Variants in OSBPL8 observed in about 807,000 individuals in gnomAD.
OSBPL8 encodes the protein oxysterol binding protein like 8.
Under a neutral mutation model 125.5 loss-of-function variants are expected in OSBPL8, and 59 were observed. The observed-to-expected ratio is 0.47, with a 90% CI of 0.38 to 0.58. The LOEUF (loss-of-function observed/expected upper bound fraction) is 0.58, where lower values mean the gene tolerates loss of function less well. Ranked by LOEUF, OSBPL8 falls within the 20% of genes least tolerant of loss-of-function variation. The pLI, the probability that OSBPL8 is intolerant of heterozygous loss-of-function variation, is 0.00. For missense variants in OSBPL8, 758 were observed against 1,047.8 expected, an observed-to-expected ratio of 0.72 and a Z score of 3.82; for synonymous variants, 330 against 338.9, an observed-to-expected ratio of 0.97 and a Z score of 0.29.
intron 2 of OSBPL8, among the ~76,000 whole-genome samples, chr12:76,474,968 A>C (rs1876621318): frequency 6.6e-6 from 1 of 152,202 alleles, no homozygotes; most frequent in Non-Finnish European, 1.5e-5. Flanking sequence ...TACTAAGCTG[A>C]GGTACGGATA....
chr12:76,461,929 C>G (rs1450489082), intron 2 of OSBPL8, among the ~76,000 whole-genome samples: 2 of 152,160 alleles, frequency 1.3e-5, no homozygotes, highest in African/African-American at 4.8e-5. Flanking sequence ...CAATAAATAA[C>G]ATAACACTGG....
chr12:76,370,972 A>T (rs1455526639), intron 19 of OSBPL8, among the ~76,000 whole-genome samples: 1 of 152,194 alleles, frequency 6.6e-6, no homozygotes, highest in Non-Finnish European at 1.5e-5. Context: ...TGACTTAAGA[A>T]CAGAAATGAT....
chr12:76,404,761 T>C (rs1954188416), intron 5 of OSBPL8, among the ~76,000 whole-genome samples: 1 of 152,244 alleles, frequency 6.6e-6, no homozygotes. Context: ...TATGTGTTAA[T>C]TGACTATGTT....
chr12:76,527,317 C>T (rs921182149), intron 1 of OSBPL8, among the ~76,000 whole-genome samples: 2 of 152,126 alleles, frequency 1.3e-5, no homozygotes, highest in East Asian at 3.9e-4. Context: ...ACATTAATTA[C>T]AGTTTTCTAA....
intron 1 of OSBPL8, among the ~76,000 whole-genome samples, chr12:76,556,126 A>G (rs1250418960): frequency 6.6e-6 from 1 of 152,200 alleles, no homozygotes; most frequent in African/African-American, 2.4e-5. Flanking sequence ...CTACATTATC[A>G]GATACTCCTT....
chr12:76,385,850 T>C (rs952192430), intron 14 of OSBPL8, among the ~76,000 whole-genome samples: 4 of 151,422 alleles, frequency 2.6e-5, no homozygotes, highest in African/African-American at 9.7e-5. Flanking sequence ...CACCACTGAA[T>C]AATTTTGAGC....
intron 4 of OSBPL8, among the ~76,000 whole-genome samples, chr12:76,420,658 CA>C (rs1190162950): frequency 2.0e-5 from 3 of 152,006 alleles, no homozygotes; most frequent in African/African-American, 7.2e-5. Flanking sequence ...TAATGAAGAA[CA>C]AATCTTTCCT....
At chr12:76,379,906 T>C (rs1458672577) in intron 15 of OSBPL8, among the ~76,000 whole-genome samples, 1 of 152,228 alleles carries the variant, frequency 6.6e-6, no homozygotes, top group Non-Finnish European at 1.5e-5. Context: ...ATGGTAAATG[T>C]ATGTTTAACT....
chr12:76,414,579 G>A (rs1242904882), intron 4 of OSBPL8, among the ~76,000 whole-genome samples: 1 of 150,904 alleles, frequency 6.6e-6, no homozygotes, highest in East Asian at 2.0e-4. Context: ...AGCCTCCTGA[G>A]TAGCTGAGAC....
Position 76,394,735 on chromosome 12 carries a change from TAACAAAATA to T in OSBPL8, c.673-15_673-7del, listed in dbSNP as rs778782528. Reference sequence around the variant, plus strand: ...ACCGCTTCACCTTTTGGACCCTTAATAACAAAATAAACAAAATAAATGGTATAGAGTAAT... The same window carrying T: ...ACCGCTTCACCTTTTGGACCCTTAATAACAAAATAAATGGTATAGAGTAAT... On this transcript the variant is annotated splice_polypyrimidine_tract_variant and splice_region_variant and intron_variant, in intron 8 of 23. Transcript: ENST00000261183. The T allele has an allele frequency of 3.7e-6, 6 of 1,601,674 alleles. No homozygotes were observed. In the East Asian group the frequency reaches 1.3e-4, roughly 36 times the overall value.
Position 76,369,834 on chromosome 12 carries a change from G to C in OSBPL8, c.2055-12C>G, listed in dbSNP as rs754190304. On this transcript the variant is annotated splice_polypyrimidine_tract_variant and intron_variant, in intron 19 of 23. Transcript: ENST00000261183. The stretch of plus-strand genomic sequence containing the variant: ...CCCGTTGCCAGAGTCTAATACATGT[G>C]CGAAAATATTAAAAGTATTAAAAAT... 16 of 1,589,408 alleles carry C rather than the reference G, an allele frequency of 1.0e-5. No individual in the cohort carries two copies. The Admixed American group carries it at 2.5e-4, about 25-fold the overall frequency.
intron 6 of OSBPL8, 80 bp from the exon 7 acceptor site, chr12:76,400,054 G>T: frequency 9.5e-7 from 1 of 1,048,314 alleles, no homozygotes. Context: ...TACAAATGCA[G>T]GTTTGTTATA....
At chr12:76,489,248 C>G (rs1225850796) in intron 1 of OSBPL8, among the ~76,000 whole-genome samples, 1 of 152,150 alleles carries the variant, frequency 6.6e-6, no homozygotes, top group Non-Finnish European at 1.5e-5. Flanking sequence ...AGTAAGTTAT[C>G]CAAAAGATCT....
intron 15 of OSBPL8, among the ~76,000 whole-genome samples, chr12:76,380,094 A>G (rs999403056): frequency 1.3e-5 from 2 of 152,124 alleles, no homozygotes; most frequent in Non-Finnish European, 2.9e-5. Context: ...TTCTTTTTCA[A>G]AATTGTTTGG....
At position 76,371,554 on chromosome 12, in the gene OSBPL8, T is replaced by C; in HGVS notation, c.1948A>G (p.Thr650Ala). 2 of 1,608,872 alleles carry C rather than the reference T, an allele frequency of 1.2e-6. No individual in the cohort carries two copies. Among genetic ancestry groups the C allele is most frequent in the African/African-American group, 1.3e-5 (1 of 74,862 alleles). The change falls in exon 19 of 24, where the codon ACT becomes GCT. Residue 650 changes from threonine (T) to alanine (A), a missense_variant. By Grantham distance (58) the Thr-to-Ala change is moderately conservative. Coordinates refer to ENST00000261183, the MANE Select transcript of OSBPL8 (RefSeq NM_020841.5). Reference sequence around the variant, plus strand: ...TTCCAGAAAACCTCTGAATTATCAGTCTTTTTATCAGTAATAAAAACTTCA... The same window carrying C: ...TTCCAGAAAACCTCTGAATTATCAGCCTTTTTATCAGTAATAAAAACTTCA... ...DSEVFITDKK[T>A]DNSEVFWNPT...
chr12:76,480,834 C>T (rs1877392701), intron 2 of OSBPL8, among the ~76,000 whole-genome samples: 1 of 152,146 alleles, frequency 6.6e-6, no homozygotes, highest in Admixed American at 6.5e-5. Context: ...ATGTCCACAC[C>T]CTAATCCCTG....
chr12:76,364,664 T>A (rs539467712), intron 21 of OSBPL8, among the ~76,000 whole-genome samples: 36 of 152,072 alleles, frequency 2.4e-4, no homozygotes, highest in East Asian at 3.9e-4. Flanking sequence ...ATAAATAAAT[T>A]AATTAATTGA....
intron 1 of OSBPL8, among the ~76,000 whole-genome samples, chr12:76,489,798 C>T (rs557508718): frequency 6.6e-6 from 1 of 152,312 alleles, no homozygotes; most frequent in African/African-American, 2.4e-5. Context: ...GAAATACATT[C>T]AGTAAGGCCA....
At chr12:76,432,529 C>T (rs1870962927) in intron 4 of OSBPL8, among the ~76,000 whole-genome samples, 1 of 152,116 alleles carries the variant, frequency 6.6e-6, no homozygotes, top group African/African-American at 2.4e-5. Flanking sequence ...AGCAGTGAGA[C>T]ATGATCATGC....
Sources: allele counts gnomAD v4.1 joint callset (sites outside exome capture counted in the v4.1 genomes callset), GRCh38; gene constraint gnomAD v4.1.1; transcripts MANE v1.5; gene names NCBI Gene and HGNC (gene_info 2026-07-23, HGNC 2026-07-21).